GRM7: variants seen among roughly 807,000 people sequenced by gnomAD.
GRM7 encodes glutamate metabotropic receptor 7, also known as metabotropic glutamate receptor 7.
A neutral mutation model predicts 84.5 loss-of-function variants in GRM7; 35 were observed. That is an observed-to-expected ratio of 0.41 (90% confidence interval 0.32 to 0.55). GRM7 has a LOEUF of 0.55. Ranked by LOEUF, GRM7 falls within the 20% of genes least tolerant of loss-of-function variation. The pLI is 0.19. For synonymous variants in GRM7, 487 were observed against 455.1 expected, an observed-to-expected ratio of 1.07 and a Z score of -0.89; for missense variants, 1,003 against 1,194.6, an observed-to-expected ratio of 0.84 and a Z score of 2.36.
At chr3:7,079,745 T>C (rs1698218845) in intron 1 of GRM7, among the ~76,000 whole-genome samples, 1 of 152,106 alleles carries the variant, frequency 6.6e-6, no homozygotes, top group Admixed American at 6.6e-5. Context: ...AGATATATGT[T>C]GAATAGAGGC....
intron 6 of GRM7, among the ~76,000 whole-genome samples, chr3:7,455,215 C>T (rs1697954855): frequency 6.6e-6 from 1 of 152,140 alleles, no homozygotes; most frequent in Admixed American, 6.6e-5. Context: ...AGAGAATAGG[C>T]AGCATGATGG....
chr3:7,267,557 C>G (rs1382831546), intron 2 of GRM7, among the ~76,000 whole-genome samples: 2 of 152,148 alleles, frequency 1.3e-5, no homozygotes. Flanking sequence ...GGGGTTGGGT[C>G]TAGGTCCTGC....
At chr3:7,713,901 T>C (rs73809689) in intron 9 of GRM7, among the ~76,000 whole-genome samples, 3,301 of 147,744 alleles carry the variant, frequency 0.022, 142 homozygotes, top group African/African-American at 0.077. Flanking sequence ...TTTAGTTAAG[T>C]AGCTGATGGG....
intron 9 of GRM7, among the ~76,000 whole-genome samples, chr3:7,733,802 C>T (rs1702405412): frequency 6.6e-6 from 1 of 152,128 alleles, no homozygotes; most frequent in Non-Finnish European, 1.5e-5. Flanking sequence ...CACTGTCTGA[C>T]CCTCCTCTCC....
intron 1 of GRM7, among the ~76,000 whole-genome samples, chr3:7,030,210 T>C (rs1696139225): frequency 6.6e-6 from 1 of 152,212 alleles, no homozygotes; most frequent in Non-Finnish European, 1.5e-5. Flanking sequence ...CACTCTATCA[T>C]GACATTTCTA....
At chr3:6,934,037 G>T (rs1351299112) in intron 1 of GRM7, among the ~76,000 whole-genome samples, 3 of 152,168 alleles carry the variant, frequency 2.0e-5, no homozygotes, top group African/African-American at 7.2e-5. Flanking sequence ...TCCAATGTGT[G>T]ACTGACAAAC....
intron 2 of GRM7, among the ~76,000 whole-genome samples, chr3:7,161,480 T>C (rs1393262024): frequency 6.6e-6 from 1 of 152,112 alleles, no homozygotes; most frequent in Non-Finnish European, 1.5e-5. Context: ...GTTTCCATTT[T>C]TGTGTTTATA....
chr3:7,410,676 ACACG>A (rs1559302700), intron 4 of GRM7, among the ~76,000 whole-genome samples: 3 of 151,894 alleles, frequency 2.0e-5, no homozygotes, highest in African/African-American at 7.2e-5. Context: ...ACACACACAC[ACACG>A]CACATTTTGT....
At chr3:7,590,156 A>C (rs551095468) in intron 8 of GRM7, among the ~76,000 whole-genome samples, 1 of 152,316 alleles carries the variant, frequency 6.6e-6, no homozygotes, top group Admixed American at 6.5e-5. Flanking sequence ...TACCTGTAAC[A>C]TGACCTGTGA....
intron 8 of GRM7, among the ~76,000 whole-genome samples, chr3:7,655,620 A>T (rs1699142754): frequency 6.6e-6 from 1 of 152,194 alleles, no homozygotes; most frequent in African/African-American, 2.4e-5. Context: ...GCAAAAGTGC[A>T]TTGCCCATAG....
At chr3:7,449,297 GA>G (rs1202962067) in intron 5 of GRM7, among the ~76,000 whole-genome samples, 4 of 152,038 alleles carry the variant, frequency 2.6e-5, no homozygotes, top group Non-Finnish European at 4.4e-5. Flanking sequence ...ACCTATGTGA[GA>G]AAAACTTTAA....
intron 4 of GRM7, among the ~76,000 whole-genome samples, chr3:7,386,046 G>A (rs1000856556): frequency 6.6e-5 from 10 of 152,074 alleles, no homozygotes; most frequent in Non-Finnish European, 1.5e-4. Flanking sequence ...GTATACAATG[G>A]GCTTAAAGTA....
At chr3:7,480,220 C>G (rs2124935590) in intron 7 of GRM7, among the ~76,000 whole-genome samples, 1 of 152,306 alleles carries the variant, frequency 6.6e-6, no homozygotes, top group South Asian at 2.1e-4. Flanking sequence ...ATGCACAACT[C>G]CGCTAGGCCC....
At chr3:7,230,061 G>C (rs375306785) in intron 2 of GRM7, among the ~76,000 whole-genome samples, 50 of 151,260 alleles carry the variant, frequency 3.3e-4, no homozygotes, top group African/African-American at 1.2e-3. Flanking sequence ...GGATGGTCTC[G>C]ATCTCCTGAC....
At chr3:7,564,511 G>T (rs1253191802) in intron 7 of GRM7, among the ~76,000 whole-genome samples, 1 of 152,070 alleles carries the variant, frequency 6.6e-6, no homozygotes, top group Non-Finnish European at 1.5e-5. Flanking sequence ...CTTTACATCT[G>T]CAGGGTCTGA....
At chr3:7,198,669 A>G (rs1373911340) in intron 2 of GRM7, among the ~76,000 whole-genome samples, 1 of 152,212 alleles carries the variant, frequency 6.6e-6, no homozygotes, top group Non-Finnish European at 1.5e-5. Context: ...CTATTGTATA[A>G]TAAGGTGTTG....
intron 1 of GRM7, among the ~76,000 whole-genome samples, chr3:6,902,139 C>T (rs1696408592): frequency 3.3e-5 from 5 of 152,052 alleles, no homozygotes; most frequent in Admixed American, 3.3e-4. Flanking sequence ...TCAACCAGAC[C>T]ACCCTGTTCC....
intron 1 of GRM7, among the ~76,000 whole-genome samples, chr3:7,106,618 C>G (rs1030181117): frequency 6.6e-6 from 1 of 151,996 alleles, no homozygotes; most frequent in African/African-American, 2.4e-5. Context: ...CCAGCTGAAG[C>G]AAAGGCTACA....
At chr3:7,143,343 A>G (rs901859486) in intron 1 of GRM7, among the ~76,000 whole-genome samples, 4 of 152,174 alleles carry the variant, frequency 2.6e-5, no homozygotes, top group Non-Finnish European at 5.9e-5. Context: ...CTTCACCTCT[A>G]TTGCTACAAG....
Sources: gnomAD v4.1 joint callset for allele counts (sites outside exome capture counted in the v4.1 genomes callset) on GRCh38, gnomAD v4.1.1 for gene constraint, MANE v1.5 for transcripts, NCBI Gene and HGNC (gene_info 2026-07-23, HGNC 2026-07-21) for gene names.